Variants in ZNF331 observed in about 807,000 individuals in gnomAD.
ZNF331 encodes zinc finger protein 331, also known as C2H2-like zinc finger protein rearranged in thyroid adenomas.
A neutral mutation model predicts 7.0 loss-of-function variants in ZNF331; 2 were observed. That is an observed-to-expected ratio of 0.29 (90% confidence interval 0.12 to 0.90). The LOEUF is 0.90. Ranked by LOEUF, ZNF331 falls within the 40% of genes least tolerant of loss-of-function variation. ZNF331 has a pLI of 0.58. For missense variants in ZNF331, 432 were observed against 587.7 expected (o/e 0.74, Z 2.74); for synonymous variants, 196 against 205.4 (o/e 0.95, Z 0.39).
chr19:53,537,822 AGT>A (rs149603729), upstream of ZNF331: 11,041 of 152,344 alleles, frequency 0.072, 527 homozygotes, highest in Non-Finnish European at 0.11. Context: ...CACACGTGTC[AGT>A]GTGTCCGCGT....
rs781049300 is a variant in ZNF331 at position 53,577,875 on chromosome 19, T to C, written c.1315T>C (p.Tyr439His). The C allele has an allele frequency of 2.5e-6, 4 of 1,611,230 alleles. No individual in the cohort carries two copies. In the African/African-American group the frequency reaches 5.4e-5, roughly 22 times the overall value. Residue 439 changes from tyrosine to histidine, a missense_variant, in exon 6 of 6, where the codon TAC (tyrosine) becomes CAC (histidine). By Grantham distance (83) the Tyr-to-His change is moderately conservative. Around this residue, in one of 3 missense-constraint regions of ZNF331, gnomAD observed 312 missense variants for 448.6 expected, o/e 0.70. Coordinates refer to ENST00000449416, the MANE Select transcript of ZNF331 (RefSeq NM_001079906.2). ...GAAAACGCACAGTGGGGCGAAATCC[T>C]ACGAATGTAAGGAGTGCGGGAAGGC... is the stretch of plus-strand genomic sequence containing the variant. ...HQKTHSGAKS[Y>H]ECKECGKACN...
intron 3 of ZNF331, among the ~76,000 whole-genome samples, chr19:53,568,076 C>T (rs1568532011): frequency 6.6e-6 from 1 of 151,836 alleles, no homozygotes; most frequent in Non-Finnish European, 1.5e-5. Flanking sequence ...TGGTGAAACC[C>T]CATCTCTACT....
At chr19:53,524,287 G>T (rs1380127574) in intron 2 of ZNF331, among the ~76,000 whole-genome samples, 3 of 152,172 alleles carry the variant, frequency 2.0e-5, no homozygotes, top group Non-Finnish European at 4.4e-5. Flanking sequence ...CCAGTTATGG[G>T]ATTGCTGGGT....
intron 3 of ZNF331, among the ~76,000 whole-genome samples, chr19:53,566,648 G>A (rs1261131584): frequency 6.6e-6 from 1 of 152,098 alleles, no homozygotes; most frequent in Non-Finnish European, 1.5e-5. Context: ...AGGTTAGCAG[G>A]GAACCAGGCT....
the ZNF331 span, among the ~76,000 whole-genome samples, chr19:53,506,340 A>C: frequency 6.7e-6 from 1 of 149,752 alleles, no homozygotes. Context: ...GTCTCAAAAA[A>C]AAAAAAAAAA....
At chr19:53,506,411 CCTCTCTCTCTCT>C in the ZNF331 span, among the ~76,000 whole-genome samples, 1 of 74,406 alleles carries the variant, frequency 1.3e-5, no homozygotes, top group Admixed American at 1.4e-4. Flanking sequence ...CTCTCTCTCT[CCTCTCTCTCTCT>C]CTCTCTCTCT....
Position 53,557,109 on chromosome 19 carries a change from C to T in ZNF331, c.-74+1201C>T, listed in dbSNP as rs367764696. Reference sequence around the variant, plus strand: ...AAGTGCTGGGATTACAGGCGTGAGGCGCCACACCCAGCCAATTTTTTAATA... The same window carrying T: ...AAGTGCTGGGATTACAGGCGTGAGGTGCCACACCCAGCCAATTTTTTAATA... On this transcript the variant is annotated intron_variant, in intron 3 of 5. Transcript: ENST00000449416. Among the ~76,000 whole-genome samples the T allele has an allele frequency of 1.2e-3, 182 of 151,502 alleles. 2 individuals carry two copies. In the South Asian group the frequency reaches 0.017, roughly 14 times the overall value.
the ZNF331 span, among the ~76,000 whole-genome samples, chr19:53,506,334 CA>C: frequency 1.0e-3 from 41 of 39,550 alleles, no homozygotes; most frequent in East Asian, 4.0e-3. Flanking sequence ...GACTCCGTCT[CA>C]AAAAAAAAAA....
At chr19:53,559,052 T>C (rs2089629217) in intron 3 of ZNF331, among the ~76,000 whole-genome samples, 1 of 148,772 alleles carries the variant, frequency 6.7e-6, no homozygotes, top group South Asian at 2.1e-4. Context: ...ACACCATACA[T>C]ATACAAACAC....
At chr19:53,544,158 C>T (rs1200686528) in intron 2 of ZNF331, among the ~76,000 whole-genome samples, 2 of 149,688 alleles carry the variant, frequency 1.3e-5, no homozygotes, top group Non-Finnish European at 3.0e-5. Flanking sequence ...ACCCGGGAGG[C>T]GGAGGTTGCA....
At chr19:53,566,741 T>C (rs897090988) in intron 3 of ZNF331, among the ~76,000 whole-genome samples, 2 of 152,212 alleles carry the variant, frequency 1.3e-5, no homozygotes, top group Non-Finnish European at 2.9e-5. Flanking sequence ...CATGGGCCAG[T>C]GTTGCGAGCA....
At chr19:53,568,436 A>C (rs1600466619) in intron 3 of ZNF331, among the ~76,000 whole-genome samples, 1 of 152,104 alleles carries the variant, frequency 6.6e-6, no homozygotes, top group African/African-American at 2.4e-5. Flanking sequence ...GGGCCTCAGC[A>C]TGTAGACATG....
chr19:53,536,223 T>G (rs559121556), upstream of ZNF331: 12 of 151,832 alleles, frequency 7.9e-5, no homozygotes, highest in African/African-American at 2.6e-4. Flanking sequence ...ACTGATTTTT[T>G]AGTAATAACA....
the ZNF331 span, among the ~76,000 whole-genome samples, chr19:53,511,283 C>T: frequency 6.6e-6 from 1 of 151,608 alleles, no homozygotes; most frequent in South Asian, 2.1e-4. Flanking sequence ...AAAAGAATAC[C>T]CAATTACTTA....
At chr19:53,569,488 T>A in intron 4 of ZNF331, 103 bp downstream of exon 4, 1 of 1,366,674 alleles carries the variant, frequency 7.3e-7, no homozygotes, top group Non-Finnish European at 1.0e-6. Flanking sequence ...CTCTTTATAA[T>A]TACCTGTTTC....
chr19:53,528,951 A>AT (rs144525269), intron 2 of ZNF331, among the ~76,000 whole-genome samples: 39,562 of 151,528 alleles, frequency 0.26, 6,115 homozygotes, highest in African/African-American at 0.43. Flanking sequence ...CGCCTGGATG[A>AT]TTTTTTTGTA....
chr19:53,573,529 G>A lies in ZNF331; in HGVS notation c.136+1799G>A, dbSNP rs149931471. On this transcript the variant is annotated intron_variant, in intron 5 of 5. Transcript: ENST00000449416. The surrounding 1 kb of genome is among the most constrained non-coding windows in gnomAD (Gnocchi z 4.2). ...GTTACTCAGGCTGGAGTGCAGTGGC[G>A]CGATCACAGCTCACAGCAGCCTCAA... Among the ~76,000 whole-genome samples the A allele has an allele frequency of 1.1e-3, 169 of 151,614 alleles. 1 individual carries two copies. The highest frequency in any genetic ancestry group is 2.0e-3 in the Admixed American group (31 of 15,178).
At chr19:53,520,729 G>A (rs1253028918), upstream of ZNF331, among the ~76,000 whole-genome samples, 2 of 152,222 alleles carry the variant, frequency 1.3e-5, no homozygotes, top group African/African-American at 4.8e-5. Flanking sequence ...GTTGCCTGCA[G>A]GGAAACACTG....
chr19:53,566,226 G>A (rs754436593), intron 3 of ZNF331, among the ~76,000 whole-genome samples: 27 of 152,134 alleles, frequency 1.8e-4, no homozygotes, highest in Non-Finnish European at 4.0e-4. Context: ...GCATCACATT[G>A]TGACAACACC....
Sources: gnomAD v4.1 joint callset for allele counts (sites outside exome capture counted in the v4.1 genomes callset) on GRCh38, gnomAD v4.1.1 for gene constraint, gnomAD v4.1.1 regional missense constraint, Gnocchi (gnomAD v3.1) non-coding constraint, MANE v1.5 for transcripts, NCBI Gene and HGNC (gene_info 2026-07-23, HGNC 2026-07-21) for gene names.